Variants in PARD3B observed in about 807,000 individuals in gnomAD.
The protein encoded by PARD3B is partitioning defective 3 homolog B.
Under a neutral mutation model 130.2 loss-of-function variants are expected in PARD3B, and 103 were observed. The ratio of observed to expected loss-of-function variants is 0.79; its 90% CI spans 0.67 to 0.93. The LOEUF is 0.93. PARD3B is among the 40% of genes least tolerant of loss of function. The probability of loss-of-function intolerance (pLI) is 0.00; values close to 1 mark genes in which losing one functional copy is unlikely to be tolerated. For missense variants in PARD3B, 1,609 were observed against 1,499.2 expected (o/e 1.07, Z -1.21); for synonymous variants, 583 against 553.2 (o/e 1.05, Z -0.76).
At chr2:204,902,675 A>G (rs899536924) in intron 2 of PARD3B, among the ~76,000 whole-genome samples, 24 of 151,534 alleles carry the variant, frequency 1.6e-4, no homozygotes, top group African/African-American at 5.8e-4. Flanking sequence ...TCTCAAAAAA[A>G]AAAAAAAAAA....
chr2:204,840,794 C>A (rs1210869997), intron 2 of PARD3B, among the ~76,000 whole-genome samples: 1 of 151,646 alleles, frequency 6.6e-6, no homozygotes, highest in African/African-American at 2.4e-5. Context: ...AAAGAAAGAA[C>A]ACTTTCACAT....
rs2051273785 is a variant in PARD3B at position 205,525,031 on chromosome 2, A to G, written c.3180+25000A>G. 6.6e-6 allele frequency among the ~76,000 whole-genome samples: 1 copy of G among 152,220 alleles called. No individual in the cohort carries two copies. The highest frequency in any genetic ancestry group is 1.5e-5 in the Non-Finnish European group (1 of 68,032). The stretch of plus-strand genomic sequence containing the variant: ...CAAAACACTTAAACCTCGCCAGAAT[A>G]AGAGATTTCTTAGTGATGAACCATG... On this transcript the variant is annotated intron_variant, in intron 21 of 22. Transcript: ENST00000406610. This position sits in a 1 kb window ranked among gnomAD's most constrained non-coding sequence, Gnocchi z 4.2.
At chr2:205,039,324 C>T (rs766188838) in intron 3 of PARD3B, among the ~76,000 whole-genome samples, 1 of 152,114 alleles carries the variant, frequency 6.6e-6, no homozygotes, top group African/African-American at 2.4e-5. Context: ...GATGCCTTGA[C>T]TAGTGAGACA....
At chr2:205,170,840 A>C (rs2035135271) in intron 11 of PARD3B, among the ~76,000 whole-genome samples, 1 of 151,302 alleles carries the variant, frequency 6.6e-6, no homozygotes, top group Non-Finnish European at 1.5e-5. Context: ...TTTGACCACA[A>C]ATCCCAGATA....
chr2:204,992,158 T>C (rs1282681625), intron 3 of PARD3B, among the ~76,000 whole-genome samples: 4 of 150,972 alleles, frequency 2.6e-5, no homozygotes, highest in Admixed American at 1.3e-4. Context: ...TGCCCACGCC[T>C]ATGTCCTGAA....
rs781559158 is a variant in PARD3B, at chr2:205,585,020, C to T, written c.3261-30436C>T. ...CCCACAAATGACCGTTTGACAGGCACCACTCATTGTGCACACCCGCTGATT... is the reference window on the plus strand; with the variant it reads ...CCCACAAATGACCGTTTGACAGGCATCACTCATTGTGCACACCCGCTGATT... On this transcript the variant is annotated intron_variant, in intron 22 of 22. Coordinates refer to ENST00000406610, the MANE Select transcript of PARD3B (RefSeq NM_001302769.2). The surrounding 1 kb of genome is among the most constrained non-coding windows in gnomAD (Gnocchi z 5.4). Among the ~76,000 whole-genome samples the T allele has an allele frequency of 2.6e-5, 4 of 152,144 alleles. No homozygotes were observed. The highest frequency in any genetic ancestry group is 4.4e-5 in the Non-Finnish European group (3 of 68,028).
At chr2:204,809,380 G>A (rs959382939) in intron 2 of PARD3B, among the ~76,000 whole-genome samples, 1 of 152,046 alleles carries the variant, frequency 6.6e-6, no homozygotes, top group African/African-American at 2.4e-5. Context: ...TATTACCTAG[G>A]TTGTCTTCCA....
intron 3 of PARD3B, among the ~76,000 whole-genome samples, chr2:204,969,189 T>C (rs1022033154): frequency 6.6e-6 from 1 of 152,192 alleles, no homozygotes; most frequent in Admixed American, 6.5e-5. Context: ...ACTTAAAAAT[T>C]TATAGTTCGA....
intron 15 of PARD3B, among the ~76,000 whole-genome samples, chr2:205,214,445 G>C (rs888149042): frequency 2.0e-5 from 3 of 150,288 alleles, no homozygotes; most frequent in African/African-American, 7.4e-5. Flanking sequence ...TTCACCTTGG[G>C]TCACACAGTA....
chr2:205,176,049 A>G lies in PARD3B; in HGVS notation c.1792-396A>G, dbSNP rs2035451535. On this transcript the variant is annotated intron_variant, in intron 12 of 22. Transcript: ENST00000406610. The surrounding 1 kb of genome is among the most constrained non-coding windows in gnomAD (Gnocchi z 5.3). ...GACTTGTCCTAGAGCATATGCACTT[A>G]GGCGCAGAGAGAGAGAGGAACCAGC... Among the ~76,000 whole-genome samples the G allele has an allele frequency of 2.0e-5, 3 of 152,194 alleles. No homozygotes were observed. The highest frequency in any genetic ancestry group is 7.2e-5 in the African/African-American group (3 of 41,458).
At chr2:205,044,770 G>C (rs1410688685) in intron 3 of PARD3B, among the ~76,000 whole-genome samples, 1 of 152,064 alleles carries the variant, frequency 6.6e-6, no homozygotes, top group Non-Finnish European at 1.5e-5. Context: ...CACTCTGATG[G>C]TAGTTTCTTT....
At chr2:205,349,117 G>A (rs935512936) in intron 18 of PARD3B, among the ~76,000 whole-genome samples, 1 of 152,134 alleles carries the variant, frequency 6.6e-6, no homozygotes, top group South Asian at 2.1e-4. Flanking sequence ...GCACATCCTT[G>A]TGTGATGTCC....
chr2:204,965,982 C>G (rs532774349), intron 3 of PARD3B, among the ~76,000 whole-genome samples: 2 of 152,238 alleles, frequency 1.3e-5, no homozygotes, highest in East Asian at 3.9e-4. Context: ...TGAAAATCCA[C>G]TAATATCTTG....
At chr2:205,290,747 C>G (rs2041578364) in intron 16 of PARD3B, among the ~76,000 whole-genome samples, 2 of 152,138 alleles carry the variant, frequency 1.3e-5, no homozygotes, top group Non-Finnish European at 2.9e-5. Flanking sequence ...ACATTGAAAT[C>G]CTATACCACA....
intron 18 of PARD3B, among the ~76,000 whole-genome samples, chr2:205,334,510 C>T (rs554587882): frequency 6.6e-6 from 1 of 152,246 alleles, no homozygotes; most frequent in Admixed American, 6.5e-5. Context: ...CTAATTGTAA[C>T]CAAAAATAAC....
chr2:204,791,286 A>G (rs530803148), intron 2 of PARD3B, among the ~76,000 whole-genome samples: 2 of 152,286 alleles, frequency 1.3e-5, no homozygotes, highest in East Asian at 3.9e-4. Context: ...TTTGATCTAC[A>G]TTTAGGTCTC....
chr2:204,985,198 C>T (rs761533304), intron 3 of PARD3B, among the ~76,000 whole-genome samples: 1 of 151,948 alleles, frequency 6.6e-6, no homozygotes. Flanking sequence ...TCCCTCCTGC[C>T]TGTTTTTTCC....
At chr2:205,240,855 G>C (rs2039321837) in intron 15 of PARD3B, among the ~76,000 whole-genome samples, 1 of 152,130 alleles carries the variant, frequency 6.6e-6, no homozygotes, top group South Asian at 2.1e-4. Context: ...CTTGACAAAA[G>C]AATAAAACAC....
chr2:205,245,953 G>T, intron 16 of PARD3B, 131 bp downstream of exon 16: 2 of 698,118 alleles, frequency 2.9e-6, no homozygotes, highest in South Asian at 2.1e-5. Flanking sequence ...AGATGTCTCT[G>T]ACTTCCACAA....
Sources: gnomAD v4.1 joint callset for allele counts (sites outside exome capture counted in the v4.1 genomes callset) on GRCh38, gnomAD v4.1.1 for gene constraint, Gnocchi (gnomAD v3.1) non-coding constraint, MANE v1.5 for transcripts, NCBI Gene and HGNC (gene_info 2026-07-23, HGNC 2026-07-21) for gene names.